The following ITGBL1 variants were observed in gnomAD, a reference collection of about 807,000 sequenced individuals.
ITGBL1 encodes integrin subunit beta like 1.
Under a neutral mutation model 68.5 loss-of-function variants are expected in ITGBL1, and 51 were observed. That is an observed-to-expected ratio of 0.74 (90% confidence interval 0.59 to 0.94). The LOEUF is 0.94. Ranked by LOEUF, ITGBL1 falls within the 40% of genes least tolerant of loss-of-function variation. The pLI, the probability that ITGBL1 is intolerant of heterozygous loss-of-function variation, is 0.00. For missense variants in ITGBL1, 649 were observed against 647.4 expected, an observed-to-expected ratio of 1.00 and a Z score of -0.03; for synonymous variants, 209 against 227.3, an observed-to-expected ratio of 0.92 and a Z score of 0.72.
intron 2 of ITGBL1, among the ~76,000 whole-genome samples, chr13:101,525,657 C>T (rs1319900757): frequency 6.6e-6 from 1 of 151,810 alleles, no homozygotes; most frequent in Non-Finnish European, 1.5e-5. Flanking sequence ...ATAGAAAGAA[C>T]AAATACTTGC....
intron 7 of ITGBL1, among the ~76,000 whole-genome samples, chr13:101,620,131 C>T (rs550854213): frequency 1.1e-3 from 162 of 152,088 alleles, no homozygotes; most frequent in African/African-American, 3.9e-3. Context: ...AATATTATGG[C>T]CTAAATTGTT....
intron 2 of ITGBL1, among the ~76,000 whole-genome samples, chr13:101,551,623 A>C (rs1315292860): frequency 1.3e-5 from 2 of 152,234 alleles, no homozygotes. Flanking sequence ...TGGAGGAATC[A>C]TGAAAAGACA....
At chr13:101,548,336 G>C (rs948750869) in intron 2 of ITGBL1, among the ~76,000 whole-genome samples, 1 of 151,828 alleles carries the variant, frequency 6.6e-6, no homozygotes, top group African/African-American at 2.4e-5. Flanking sequence ...AAGAGGGAAG[G>C]CTGGCTTAAT....
intron 7 of ITGBL1, among the ~76,000 whole-genome samples, chr13:101,599,629 G>A (rs1038659600): frequency 6.6e-6 from 1 of 152,034 alleles, no homozygotes; most frequent in Admixed American, 6.6e-5. Context: ...TGTAAGGAAG[G>A]GATCCAGTTT....
chr13:101,499,847 C>G (rs1187891699), intron 2 of ITGBL1, among the ~76,000 whole-genome samples: 1 of 152,286 alleles, frequency 6.6e-6, no homozygotes, highest in East Asian at 1.9e-4. Flanking sequence ...GGCTTAGATG[C>G]CTGTGTCCCC....
intron 6 of ITGBL1, among the ~76,000 whole-genome samples, chr13:101,591,248 C>T (rs972207990): frequency 1.3e-5 from 2 of 152,148 alleles, no homozygotes; most frequent in Non-Finnish European, 2.9e-5. Flanking sequence ...GCCATAGAAC[C>T]CAACAACCTA....
At chr13:101,635,157 GA>G (rs1279220322) in intron 7 of ITGBL1, among the ~76,000 whole-genome samples, 4 of 150,864 alleles carry the variant, frequency 2.7e-5, no homozygotes, top group Admixed American at 6.6e-5. Flanking sequence ...CAGACTTTTA[GA>G]AAAAAAAATT....
At chr13:101,623,288 T>TA (rs1158841390) in intron 7 of ITGBL1, among the ~76,000 whole-genome samples, 1 of 152,068 alleles carries the variant, frequency 6.6e-6, no homozygotes, top group Non-Finnish European at 1.5e-5. Context: ...CAACAACTTG[T>TA]AAAAAATGTT....
chr13:101,656,956 C>CT (rs61061404), intron 7 of ITGBL1, among the ~76,000 whole-genome samples: 15,019 of 137,640 alleles, frequency 0.11, 1,062 homozygotes, highest in East Asian at 0.31. Flanking sequence ...TTCTTTTTTT[C>CT]TTTTTTTTTT....
chr13:101,546,536 G>A (rs9518438), intron 2 of ITGBL1, among the ~76,000 whole-genome samples: 15,057 of 152,154 alleles, frequency 0.099, 1,185 homozygotes, highest in African/African-American at 0.22. Flanking sequence ...AAAGTCAAAT[G>A]TTAAGTCTTT....
intron 7 of ITGBL1, among the ~76,000 whole-genome samples, chr13:101,622,381 T>G (rs2031617817): frequency 6.6e-6 from 1 of 152,136 alleles, no homozygotes; most frequent in South Asian, 2.1e-4. Context: ...ACCAATTCAG[T>G]CTAGGTTCTT....
intron 7 of ITGBL1, among the ~76,000 whole-genome samples, chr13:101,638,699 G>T (rs2032258947): frequency 6.6e-6 from 1 of 152,074 alleles, no homozygotes; most frequent in Non-Finnish European, 1.5e-5. Flanking sequence ...CAATATGGGG[G>T]AAACCACCCC....
intron 7 of ITGBL1, among the ~76,000 whole-genome samples, chr13:101,635,422 A>G (rs551437061): frequency 1.6e-4 from 24 of 152,228 alleles, no homozygotes; most frequent in African/African-American, 5.3e-4. Context: ...ATAAACTCCA[A>G]TTTAGTCATA....
chr13:101,537,085 A>G (rs2049591047), intron 2 of ITGBL1, among the ~76,000 whole-genome samples: 1 of 152,116 alleles, frequency 6.6e-6, no homozygotes, highest in South Asian at 2.1e-4. Flanking sequence ...GTATGTAAGC[A>G]TATAGAGGTG....
chr13:101,524,010 G>C (rs765107584), intron 2 of ITGBL1, among the ~76,000 whole-genome samples: 1 of 152,142 alleles, frequency 6.6e-6, no homozygotes, highest in Non-Finnish European at 1.5e-5. Context: ...CAAATGAGTA[G>C]TCATTCCCTG....
Position 101,650,848 on chromosome 13 carries a change from A to G in ITGBL1, c.1016-41737A>G, listed in dbSNP as rs148793524. ...TTCTGCTCCCCCACAGCCCACTGAT[A>G]TGTCCATGTGTTCTCATTGTTAAGC... On this transcript the variant is annotated intron_variant, in intron 7 of 10. Transcript: ENST00000376180. 1.9e-3 allele frequency among the ~76,000 whole-genome samples: 296 copies of G among 152,012 alleles called. 2 individuals are homozygous for G. Among genetic ancestry groups the G allele is most frequent in the African/African-American group, 6.9e-3 (285 of 41,504 alleles).
chr13:101,491,427 T>A (rs923258450), intron 2 of ITGBL1, among the ~76,000 whole-genome samples: 1 of 152,208 alleles, frequency 6.6e-6, no homozygotes, highest in Non-Finnish European at 1.5e-5. Flanking sequence ...TGAAGTTTTA[T>A]TCAGATTGTT....
In ITGBL1 at chr13:101,631,980, C is replaced by T. The variant is rs1041292503; in HGVS notation, c.1015+33681C>T. On this transcript the variant is annotated intron_variant, in intron 7 of 10. Transcript: ENST00000376180. ...AAAATAGGAAACAATTTGTTTTGAC[C>T]TTGGGTTGATGAAGATTTATATACG... Among the ~76,000 whole-genome samples the T allele has an allele frequency of 3.3e-5, 5 of 151,876 alleles. No homozygotes were observed. The East Asian group carries it at 9.7e-4, about 29-fold the overall frequency.
intron 2 of ITGBL1, among the ~76,000 whole-genome samples, chr13:101,522,028 G>A (rs1003486360): frequency 1.3e-5 from 2 of 151,898 alleles, no homozygotes; most frequent in Non-Finnish European, 2.9e-5. Context: ...AGAGAGGGAG[G>A]AAGAGGGAGA....
Sources: gnomAD v4.1 joint callset for allele counts (sites outside exome capture counted in the v4.1 genomes callset) on GRCh38, gnomAD v4.1.1 for gene constraint, MANE v1.5 for transcripts, NCBI Gene and HGNC (gene_info 2026-07-23, HGNC 2026-07-21) for gene names.